Variants in STAT2 observed in about 807,000 individuals in gnomAD.
STAT2 encodes signal transducer and activator of transcription 2.
A neutral mutation model predicts 122.3 loss-of-function variants in STAT2; 51 were observed. The observed-to-expected ratio is 0.42, with a 90% CI of 0.33 to 0.53. STAT2 has a LOEUF of 0.53. STAT2 is among the 20% of genes least tolerant of loss of function. The pLI is 0.10. For synonymous variants in STAT2, 351 were observed against 394.9 expected (o/e 0.89, Z 1.32); for missense variants, 736 against 1,010.3 (o/e 0.73, Z 3.68).
Position 56,346,626 on chromosome 12 carries a change from T to C in STAT2, c.1862-2A>G, listed in dbSNP as rs771131267. ...GCACAGAGTAGATGAGCACCTTGTC[T>C]GGAGAGTGAATGCAGGAACAGGCGG... On this transcript the variant is annotated splice_acceptor_variant, in intron 20 of 23. Transcript: ENST00000314128. LOFTEE classifies it high-confidence loss of function. 1 of 1,613,918 alleles carries C rather than the reference T, an allele frequency of 6.2e-7. No individual in the cohort carries two copies. The highest frequency in any genetic ancestry group is 8.5e-7 in the Non-Finnish European group (1 of 1,179,890).
chr12:56,345,033 C>T (rs1380707670), intron 22 of STAT2, among the ~76,000 whole-genome samples: 1 of 123,772 alleles, frequency 8.1e-6, no homozygotes, highest in Non-Finnish European at 1.8e-5. Flanking sequence ...ATTAACCAGG[C>T]ATGGGTGGCG....
intron 5 of STAT2, 30 bp from the exon 6 acceptor site, chr12:56,355,381 T>C (rs548619239): frequency 3.7e-6 from 6 of 1,614,120 alleles, no homozygotes; most frequent in East Asian, 2.2e-5. Context: ...CCGATGAGGC[T>C]GCTTCTCAGG....
At position 56,342,433 on chromosome 12, in the gene STAT2, T is replaced by C. The variant is rs985434192; in HGVS notation, c.*956A>G. The C allele has an allele frequency of 1.2e-4, 18 of 145,382 alleles. No homozygotes were observed. The highest frequency in any genetic ancestry group is 4.5e-4 in the African/African-American group (18 of 39,760). The allele number at this position is 145,382 out of a possible 1,614,324, so 9.0% of individuals were successfully genotyped here. ...GGGCAATATAGCAAGACCCTGTCTTTAAAAAAAAAAAATAGGGCATGGTGG... is the reference window on the plus strand; with the variant it reads ...GGGCAATATAGCAAGACCCTGTCTTCAAAAAAAAAAAATAGGGCATGGTGG... On this transcript the variant is annotated 3_prime_UTR_variant, in exon 24 of 24. Coordinates refer to ENST00000314128, the MANE Select transcript of STAT2 (RefSeq NM_005419.4).
chr12:56,348,933 T>C lies in STAT2; in HGVS notation c.1567A>G (p.Lys523Glu). 6.2e-7 allele frequency: 1 copy of C among 1,613,398 alleles called. No individual in the cohort carries two copies. Among genetic ancestry groups the C allele is most frequent in the Non-Finnish European group, 8.5e-7 (1 of 1,179,608 alleles). The change falls in exon 17 of 24, where the codon AAG becomes GAG. Residue 523 changes from lysine to glutamate, a missense_variant. By Grantham distance (56) the Lys-to-Glu change is moderately conservative (BLOSUM62 1). Coordinates refer to ENST00000314128, the MANE Select transcript of STAT2 (RefSeq NM_005419.4). Reference protein sequence around the residue: ...NSDQLSMLRNKLFGQNCRTED... With the variant: ...NSDQLSMLRNELFGQNCRTED... ...AAAAGGAAATCTGTACCGAACAGCTTGTTTCTCAGCATGCTCAGCTGGTCT... is the reference window on the plus strand; with the variant it reads ...AAAAGGAAATCTGTACCGAACAGCTCGTTTCTCAGCATGCTCAGCTGGTCT...
At chr12:56,354,316 GAGC>G in intron 8 of STAT2, 147 bp downstream of exon 8, 1 of 1,208,272 alleles carries the variant, frequency 8.3e-7, no homozygotes, top group South Asian at 1.5e-5. Flanking sequence ...TGAGGATGAG[GAGC>G]AGAATAGAGC....
chr12:56,346,798 T>G, intron 20 of STAT2, 21 bp downstream of exon 20: 1 of 1,614,066 alleles, frequency 6.2e-7, no homozygotes, highest in Non-Finnish European at 8.5e-7. Context: ...GCTGTGGGAA[T>G]GGCAGGGCAG....
At chr12:56,356,686 G>T in intron 1 of STAT2, 108 bp from the exon 2 acceptor site, 1 of 1,387,190 alleles carries the variant, frequency 7.2e-7, no homozygotes, top group Non-Finnish European at 9.6e-7. Flanking sequence ...AATTATACAA[G>T]TAATAAAAAT....
At position 56,346,640 on chromosome 12, in the gene STAT2, AG is replaced by A; in HGVS notation, c.1862-17del. The A allele has an allele frequency of 1.2e-6, 2 of 1,613,504 alleles. No homozygotes were observed. Among genetic ancestry groups the A allele is most frequent in the South Asian group, 1.1e-5 (1 of 91,072 alleles). ...AGCACCTTGTCTGGAGAGTGAATGC[AG>A]GAACAGGCGGGCTTGAGGGAAGAGG... On this transcript the variant is annotated splice_polypyrimidine_tract_variant and intron_variant, in intron 20 of 23. Coordinates refer to ENST00000314128, the MANE Select transcript of STAT2 (RefSeq NM_005419.4).
In STAT2 at chr12:56,350,404, G is replaced by A. The variant is rs762377032; in HGVS notation, c.1115+8C>T. The A allele has an allele frequency of 4.4e-6, 7 of 1,605,836 alleles. No homozygotes were observed. Among genetic ancestry groups the A allele is most frequent in the African/African-American group, 1.3e-5 (1 of 74,336 alleles). On this transcript the variant is annotated splice_region_variant and intron_variant, in intron 12 of 23. Transcript: ENST00000314128. ...CAGATGTTTGCAGTGTCCTTGTCAA[G>A]CACCTACCCTTGTAATTGAGGAGGA...
Position 56,346,211 on chromosome 12 carries a change from G to T in STAT2, c.2045-8C>A. 6.2e-7 allele frequency: 1 copy of T among 1,613,904 alleles called. No individual in the cohort carries two copies. The highest frequency in any genetic ancestry group is 8.5e-7 in the Non-Finnish European group (1 of 1,179,862). On this transcript the variant is annotated splice_region_variant and splice_polypyrimidine_tract_variant and intron_variant, in intron 21 of 23. Coordinates refer to ENST00000314128, the MANE Select transcript of STAT2 (RefSeq NM_005419.4). ...TCCGTTCCTGGAGATTAACTGTGAG[G>T]AACATATACAAGAAGCAGAGAAGAT...
rs749447486 is a variant in STAT2 at position 56,343,374 on chromosome 12, G to A, written c.*15C>T. ...AAGGGCAAGAGATATGAAAAGAACA[G>A]AGGAAATGTGGTTCCTAGAAGTCAG... On this transcript the variant is annotated 3_prime_UTR_variant, in exon 24 of 24. Transcript: ENST00000314128. 18 of 1,610,870 alleles carry A rather than the reference G, an allele frequency of 1.1e-5. No homozygotes were observed. In the South Asian group the frequency reaches 1.8e-4, roughly 16 times the overall value.
intron 21 of STAT2, 99 bp from the exon 22 acceptor site, chr12:56,346,302 A>G: frequency 6.4e-7 from 1 of 1,554,788 alleles, no homozygotes; most frequent in Non-Finnish European, 8.8e-7. Flanking sequence ...TCATCCCCAT[A>G]GTAACCAGCA....
intron 1 of STAT2, among the ~76,000 whole-genome samples, chr12:56,358,889 C>G (rs530183298): frequency 8.9e-4 from 135 of 152,296 alleles, no homozygotes; most frequent in Non-Finnish European, 1.6e-3. Flanking sequence ...AAGCAAGACT[C>G]TGTCTCAAAA....
At position 56,349,518 on chromosome 12, in the gene STAT2, G is replaced by A. The variant is rs1315699171; in HGVS notation, c.1258-9C>T. ...GTCACACCTAGTGGCCCCTGGGACAGCCAAAGACATAGTCATCAGAAGGCT... is the reference window on the plus strand; with the variant it reads ...GTCACACCTAGTGGCCCCTGGGACAACCAAAGACATAGTCATCAGAAGGCT... On this transcript the variant is annotated splice_polypyrimidine_tract_variant and intron_variant, in intron 14 of 23. Transcript: ENST00000314128. The A allele has an allele frequency of 1.9e-6, 3 of 1,614,176 alleles. No individual in the cohort carries two copies. In the East Asian group the frequency reaches 6.7e-5, roughly 36 times the overall value.
intron 19 of STAT2, 126 bp from the exon 20 acceptor site, chr12:56,347,081 C>A: frequency 7.2e-7 from 1 of 1,397,222 alleles, no homozygotes; most frequent in Non-Finnish European, 9.6e-7. Context: ...CCAAGCCCTG[C>A]CACTTAGCTT....
chr12:56,355,658 G>C (rs1289215653), intron 4 of STAT2, 50 bp downstream of exon 4: 4 of 1,598,802 alleles, frequency 2.5e-6, no homozygotes, highest in Non-Finnish European at 3.4e-6. Flanking sequence ...CCTTTCCATG[G>C]TTCCTCTCTA....
At chr12:56,348,720 A>G in intron 18 of STAT2, 32 bp downstream of exon 18, 2 of 1,614,006 alleles carry the variant, frequency 1.2e-6, no homozygotes, top group East Asian at 4.5e-5. Flanking sequence ...TGTGGGCTAG[A>G]TCCAGCAGCT....
At position 56,346,167 on chromosome 12, in the gene STAT2, C is replaced by T. The variant is rs1490494569; in HGVS notation, c.2081G>A (p.Arg694Lys). Reference sequence around the variant, plus strand: ...TCACCTATTAGAGACCACAATGAGCCTGTGTTTCAGGTATTTCCTCCGTTC... The same window carrying T: ...TCACCTATTAGAGACCACAATGAGCTTGTGTTTCAGGTATTTCCTCCGTTC... Reference protein sequence around the residue: ...LQERRKYLKHRLIVVSNRQVD... With the variant: ...LQERRKYLKHKLIVVSNRQVD... Residue 694 changes from arginine (R) to lysine (K), a missense_variant, in exon 22 of 24, where the codon AGG (arginine) becomes AAG (lysine). Coordinates refer to ENST00000314128, the MANE Select transcript of STAT2 (RefSeq NM_005419.4). The T allele has an allele frequency of 1.2e-6, 2 of 1,614,040 alleles. No individual in the cohort carries two copies. The highest frequency in any genetic ancestry group is 3.3e-5 in the Admixed American group (2 of 60,006).
intron 22 of STAT2, among the ~76,000 whole-genome samples, chr12:56,345,162 G>A (rs1185630699): frequency 8.7e-5 from 10 of 114,906 alleles, no homozygotes; most frequent in Non-Finnish European, 1.3e-4. Flanking sequence ...CAATGAGAGT[G>A]AGACTGTCTC....
Sources: gnomAD v4.1 joint callset for allele counts (sites outside exome capture counted in the v4.1 genomes callset) on GRCh38, gnomAD v4.1.1 for gene constraint, MANE v1.5 for transcripts, NCBI Gene and HGNC (gene_info 2026-07-23, HGNC 2026-07-21) for gene names.